COL25A1: variants seen among roughly 807,000 people sequenced by gnomAD.
COL25A1 encodes the protein collagen type XXV alpha 1 chain, also known as collagen alpha-1(XXV) chain.
COL25A1 carries 103 observed loss-of-function variants against 128.4 expected under a neutral mutation model. The observed-to-expected ratio is 0.80, with a 90% CI of 0.68 to 0.94. The LOEUF (loss-of-function observed/expected upper bound fraction) is 0.94. Ranked by LOEUF, COL25A1 falls within the 40% of genes least tolerant of loss-of-function variation. The pLI is 0.00. For synonymous variants in COL25A1, 279 were observed against 277.2 expected (o/e 1.01, Z -0.06); for missense variants, 745 against 840.0 (o/e 0.89, Z 1.40).
intron 5 of COL25A1, among the ~76,000 whole-genome samples, chr4:109,041,400 T>C (rs1759882264): frequency 6.6e-6 from 1 of 152,134 alleles, no homozygotes; most frequent in Non-Finnish European, 1.5e-5. Context: ...CTTTAATTTT[T>C]GTTCTGTTCT....
intron 3 of COL25A1, among the ~76,000 whole-genome samples, chr4:109,088,984 A>C (rs1764663196): frequency 6.6e-6 from 1 of 152,218 alleles, no homozygotes; most frequent in Non-Finnish European, 1.5e-5. Context: ...GATAAATGGC[A>C]TCTTTGCCTG....
In COL25A1 at chr4:109,031,348, C is replaced by T. The variant is rs376886859; in HGVS notation, c.420+16820G>A. On this transcript the variant is annotated intron_variant, in intron 5 of 37. Coordinates refer to ENST00000399132, the MANE Select transcript of COL25A1 (RefSeq NM_198721.4). ...AGCCAGGATGGTCTCGATCTTCTGA[C>T]CTCGTGATCCGCCCGCCTCGGCCTC... Among the ~76,000 whole-genome samples, 13 of 152,186 alleles carry T rather than the reference C, an allele frequency of 8.5e-5. No homozygotes were observed. In the East Asian group the frequency reaches 1.5e-3, roughly 18 times the overall value.
chr4:108,873,559 TAGC>T (rs1553957387), intron 19 of COL25A1, among the ~76,000 whole-genome samples: 5 of 106,302 alleles, frequency 4.7e-5, no homozygotes, highest in African/African-American at 1.5e-4. Flanking sequence ...GTAGTAGTAG[TAGC>T]AGCAGTAGCA....
intron 5 of COL25A1, among the ~76,000 whole-genome samples, chr4:109,038,421 C>T (rs1759557323): frequency 1.3e-5 from 2 of 152,182 alleles, no homozygotes; most frequent in African/African-American, 4.8e-5. Flanking sequence ...CCAGTTCCCA[C>T]AACCGCATGA....
chr4:108,891,300 T>A (rs899282388), intron 16 of COL25A1, among the ~76,000 whole-genome samples: 2 of 152,208 alleles, frequency 1.3e-5, no homozygotes, highest in South Asian at 4.1e-4. Context: ...CTATAATTGC[T>A]ATTCCTCCTG....
intron 3 of COL25A1, among the ~76,000 whole-genome samples, chr4:109,132,757 T>A (rs551887164): frequency 6.6e-6 from 1 of 152,226 alleles, no homozygotes; most frequent in South Asian, 2.1e-4. Context: ...GATAAAAGAT[T>A]GGAAAGAATA....
chr4:109,050,687 T>C (rs896058879), intron 3 of COL25A1, among the ~76,000 whole-genome samples: 10 of 152,190 alleles, frequency 6.6e-5, no homozygotes, highest in Admixed American at 2.0e-4. Flanking sequence ...CAAATATTTA[T>C]ATTTCATTAA....
chr4:108,871,300 T>G (rs1394928440), intron 19 of COL25A1, among the ~76,000 whole-genome samples: 2 of 152,178 alleles, frequency 1.3e-5, no homozygotes, highest in Non-Finnish European at 2.9e-5. Flanking sequence ...TTTAGCACAA[T>G]TAATATTGAT....
chr4:108,959,626 T>C (rs1750447015), intron 8 of COL25A1, among the ~76,000 whole-genome samples: 1 of 152,314 alleles, frequency 6.6e-6, no homozygotes, highest in African/African-American at 2.4e-5. Context: ...TCTTGACTTA[T>C]TGTAACAGTT....
chr4:109,011,610 T>C (rs940990535), intron 5 of COL25A1, among the ~76,000 whole-genome samples: 1 of 152,222 alleles, frequency 6.6e-6, no homozygotes, highest in Non-Finnish European at 1.5e-5. Context: ...ATTTTTCAGA[T>C]GGAGAAACTG....
At chr4:109,139,546 C>A (rs1465397375) in intron 3 of COL25A1, among the ~76,000 whole-genome samples, 1 of 152,106 alleles carries the variant, frequency 6.6e-6, no homozygotes, top group Non-Finnish European at 1.5e-5. Context: ...ATATGGCTAG[C>A]CAGTTTTCTC....
chr4:109,262,030 G>A (rs1361096597), intron 3 of COL25A1, among the ~76,000 whole-genome samples: 3 of 151,690 alleles, frequency 2.0e-5, no homozygotes, highest in African/African-American at 4.8e-5. Flanking sequence ...CTTGTCCCAC[G>A]TTGTTTCCGT....
At chr4:108,900,057 A>T (rs971828845) in intron 14 of COL25A1, among the ~76,000 whole-genome samples, 2 of 152,110 alleles carry the variant, frequency 1.3e-5, no homozygotes, top group Non-Finnish European at 2.9e-5. Flanking sequence ...GTATTTTTTT[A>T]AATTTATAAC....
intron 3 of COL25A1, among the ~76,000 whole-genome samples, chr4:109,055,369 C>T (rs754165915): frequency 1.2e-4 from 19 of 152,138 alleles, no homozygotes; most frequent in Non-Finnish European, 2.2e-4. Context: ...AGTAAAACCT[C>T]CATGACTAAA....
At chr4:108,976,721 T>C (rs1252145452) in intron 6 of COL25A1, among the ~76,000 whole-genome samples, 1 of 152,222 alleles carries the variant, frequency 6.6e-6, no homozygotes, top group Non-Finnish European at 1.5e-5. Flanking sequence ...AACGTAGCAA[T>C]GCTCCACCTT....
intron 3 of COL25A1, among the ~76,000 whole-genome samples, chr4:109,256,378 C>T (rs1781088422): frequency 6.6e-6 from 1 of 152,022 alleles, no homozygotes; most frequent in African/African-American, 2.4e-5. Flanking sequence ...AAACCAGGTA[C>T]ATGTCCTTCA....
intron 3 of COL25A1, among the ~76,000 whole-genome samples, chr4:109,189,580 C>T (rs867601777): frequency 6.8e-6 from 1 of 146,176 alleles, no homozygotes; most frequent in South Asian, 2.2e-4. Context: ...AGATTTTTCA[C>T]TCATATCAAC....
chr4:109,014,624 GAACA>G (rs1402393971), intron 5 of COL25A1, among the ~76,000 whole-genome samples: 5 of 152,190 alleles, frequency 3.3e-5, no homozygotes, highest in South Asian at 4.1e-4. Context: ...GTTAGTGATA[GAACA>G]AACAGCCATA....
chr4:109,070,626 T>G (rs1341147389), intron 3 of COL25A1, among the ~76,000 whole-genome samples: 2 of 151,752 alleles, frequency 1.3e-5, no homozygotes, highest in African/African-American at 4.8e-5. Context: ...CATGTTGGTG[T>G]GCTGCACCCA....
Sources: gnomAD v4.1 joint callset for allele counts (sites outside exome capture counted in the v4.1 genomes callset) on GRCh38, gnomAD v4.1.1 for gene constraint, MANE v1.5 for transcripts, NCBI Gene and HGNC (gene_info 2026-07-23, HGNC 2026-07-21) for gene names.